PKHD1: variants seen among roughly 807,000 people sequenced by gnomAD.
PKHD1 encodes the protein PKHD1 ciliary IPT domain containing fibrocystin/polyductin, also known as fibrocystin.
Under a neutral mutation model 412.0 loss-of-function variants are expected in PKHD1, and 291 were observed. That is an observed-to-expected ratio of 0.71 (90% CI 0.64 to 0.78). The LOEUF (loss-of-function observed/expected upper bound fraction) is 0.78, where lower values mean the gene tolerates loss of function less well. PKHD1 is among the 30% of genes least tolerant of loss of function. PKHD1 has a pLI of 0.00. For synonymous variants in PKHD1, 1,777 were observed against 1,821.5 expected (o/e 0.98, Z 0.62); for missense variants, 4,825 against 4,950.7 (o/e 0.97, Z 0.76).
intron 35 of PKHD1, among the ~76,000 whole-genome samples, chr6:51,991,950 C>A (rs1797088516): frequency 6.6e-6 from 1 of 152,190 alleles, no homozygotes; most frequent in South Asian, 2.1e-4. Context: ...GAGTTACTAT[C>A]TCTAAACTCT....
chr6:51,786,130 G>A (rs955068715), intron 53 of PKHD1, among the ~76,000 whole-genome samples: 11 of 151,952 alleles, frequency 7.2e-5, no homozygotes, highest in Non-Finnish European at 1.0e-4. Flanking sequence ...ATAACTTGCC[G>A]AGGGCCATTC....
intron 61 of PKHD1, among the ~76,000 whole-genome samples, chr6:51,650,960 G>A (rs1274905550): frequency 6.6e-6 from 1 of 152,038 alleles, no homozygotes; most frequent in Non-Finnish European, 1.5e-5. Context: ...TTCTAATGTT[G>A]TTATCAGATC....
intron 52 of PKHD1, among the ~76,000 whole-genome samples, chr6:51,813,684 A>G (rs1196475982): frequency 1.3e-5 from 2 of 152,172 alleles, no homozygotes; most frequent in Admixed American, 6.5e-5. Context: ...TTAACGCAAT[A>G]TGATTTGGGC....
intron 55 of PKHD1, among the ~76,000 whole-genome samples, chr6:51,766,832 T>C (rs1332668634): frequency 6.6e-6 from 1 of 152,030 alleles, no homozygotes. Flanking sequence ...TGTCATCACA[T>C]TTTGTAACTG....
At chr6:51,696,691 T>G (rs955001215) in intron 60 of PKHD1, among the ~76,000 whole-genome samples, 1 of 152,148 alleles carries the variant, frequency 6.6e-6, no homozygotes, top group African/African-American at 2.4e-5. Context: ...CAAGCCAGGT[T>G]AGAGGTGGAA....
chr6:51,708,874 G>T (rs1780318235), intron 60 of PKHD1, among the ~76,000 whole-genome samples: 1 of 151,966 alleles, frequency 6.6e-6, no homozygotes, highest in Non-Finnish European at 1.5e-5. Context: ...ACTTCTAAAA[G>T]GATATTAAAA....
intron 61 of PKHD1, among the ~76,000 whole-genome samples, chr6:51,658,151 A>G (rs1772197907): frequency 6.6e-6 from 1 of 152,148 alleles, no homozygotes; most frequent in Non-Finnish European, 1.5e-5. Context: ...GTTGACAAAA[A>G]TATCCAAAAC....
At chr6:51,758,077 T>C (rs941799580) in intron 55 of PKHD1, among the ~76,000 whole-genome samples, 1 of 141,564 alleles carries the variant, frequency 7.1e-6, no homozygotes, top group Non-Finnish European at 1.5e-5. Context: ...AGGAAAAAAA[T>C]CACTATCTAA....
intron 35 of PKHD1, among the ~76,000 whole-genome samples, chr6:51,963,517 T>C (rs987839454): frequency 1.3e-5 from 2 of 152,098 alleles, no homozygotes; most frequent in Non-Finnish European, 1.5e-5. Flanking sequence ...CCTGGGGAAA[T>C]AGAAGAGCAG....
intron 60 of PKHD1, among the ~76,000 whole-genome samples, chr6:51,700,363 G>A (rs1352596384): frequency 2.0e-5 from 3 of 151,968 alleles, no homozygotes; most frequent in Admixed American, 1.3e-4. Flanking sequence ...CCCCTCTCTG[G>A]CTACACAACC....
rs1562041031 is a variant in PKHD1, at chr6:51,659,308, C to T, written c.10818G>A (p.Glu3606=). 1 of 1,613,800 alleles carries T rather than the reference C, an allele frequency of 6.2e-7. No individual in the cohort carries two copies. The highest frequency in any genetic ancestry group is 8.5e-7 in the Non-Finnish European group (1 of 1,179,842). ...TACTGTCAGCAATGGCCTTTAAGGT[C>T]TCTTCATGGCCAGGCATCTCGTGAA... ...RFIHEMPGHE[E]TLKAIADSRA... is the part of the protein sequence containing the mutation. Residue 3606 remains glutamate (E), a synonymous_variant, in exon 61 of 67, where the codon GAG becomes GAA. Transcript: ENST00000371117.
chr6:51,847,717 G>C lies in PKHD1; in HGVS notation c.8107+58C>G. ...ACAGCACAAATGTCTGGAATTGAAGGGTGATTGGTGATTTCTGACTATGTG... is the reference window on the plus strand; with the variant it reads ...ACAGCACAAATGTCTGGAATTGAAGCGTGATTGGTGATTTCTGACTATGTG... On this transcript the variant is annotated intron_variant, in intron 50 of 66. Transcript: ENST00000371117. 1.2e-5 allele frequency: 14 copies of C among 1,179,682 alleles called. No homozygotes were observed. The South Asian group carries it at 1.7e-4, about 14-fold the overall frequency. The allele number at this position is 1,179,682 out of a possible 1,614,324, so 73.1% of individuals were successfully genotyped here.
chr6:51,697,659 A>T (rs181041872), intron 60 of PKHD1, among the ~76,000 whole-genome samples: 1 of 152,330 alleles, frequency 6.6e-6, no homozygotes, highest in Admixed American at 6.5e-5. Context: ...GGGCAAAATC[A>T]TCCTGGTTGA....
Position 51,619,335 on chromosome 6 carries a change from C to T in PKHD1, c.11971G>A (p.Val3991Met), listed in dbSNP as rs774694359. ...ICAPGAPAQQ[V>M]YLQETGNWKE... ...CAGTTCCCAGTCTCTTGCAGGTACA[C>T]CTGCTGAGCAGGAGCACCTGGAGCA... The change falls in exon 67 of 67, where the codon GTG becomes ATG. Residue 3991 changes from valine (V) to methionine (M), a missense_variant. Transcript: ENST00000371117. 2 of 1,614,256 alleles carry T rather than the reference C, an allele frequency of 1.2e-6. No homozygotes were observed. Among genetic ancestry groups the T allele is most frequent in the South Asian group, 2.2e-5 (2 of 91,088 alleles).
intron 51 of PKHD1, among the ~76,000 whole-genome samples, chr6:51,835,096 C>T (rs1273050996): frequency 1.3e-5 from 2 of 152,202 alleles, no homozygotes. Flanking sequence ...TTGTAATTGA[C>T]AGTTGTAATG....
Position 51,748,424 on chromosome 6 carries a change from A to G in PKHD1, c.9192T>C (p.Leu3064=), listed in dbSNP as rs781061156. ...EGQAYTVTNN[L]VVLMTQPAWS... is the part of the protein sequence containing the mutation. ...ACGCTGGCTGTGTCATCAGAACCAC[A>G]AGGTTATTAGTGACAGTATAGGCCT... The change falls in exon 58 of 67, where the codon CTT becomes CTC. Residue 3064 remains leucine (L), a synonymous_variant. Transcript: ENST00000371117. 1 of 1,614,046 alleles carries G rather than the reference A, an allele frequency of 6.2e-7. No homozygotes were observed. Among genetic ancestry groups the G allele is most frequent in the Non-Finnish European group, 8.5e-7 (1 of 1,179,952 alleles).
chr6:51,974,898 A>G (rs1008298764), intron 35 of PKHD1, among the ~76,000 whole-genome samples: 1 of 152,210 alleles, frequency 6.6e-6, no homozygotes, highest in Non-Finnish European at 1.5e-5. Flanking sequence ...ATTAGGACAC[A>G]GATACAGAAG....
At chr6:51,684,828 A>AT in intron 60 of PKHD1, among the ~76,000 whole-genome samples, 1 of 152,270 alleles carries the variant, frequency 6.6e-6, no homozygotes, top group South Asian at 2.1e-4. Context: ...GGGCAAGAGC[A>AT]TATTTATAAC....
At chr6:51,719,113 A>AT in intron 60 of PKHD1, among the ~76,000 whole-genome samples, 1 of 148,570 alleles carries the variant, frequency 6.7e-6, no homozygotes, top group Non-Finnish European at 1.5e-5. Context: ...TGCATATATA[A>AT]ATATATTTAG....
Sources: allele counts gnomAD v4.1 joint callset (sites outside exome capture counted in the v4.1 genomes callset), GRCh38; gene constraint gnomAD v4.1.1; transcripts MANE v1.5; gene names NCBI Gene and HGNC (gene_info 2026-07-23, HGNC 2026-07-21).